Variants in C8orf34 observed in about 807,000 individuals in gnomAD.
C8orf34 encodes the protein uncharacterized protein C8orf34.
A neutral mutation model predicts 68.3 loss-of-function variants in C8orf34; 65 were observed. The observed-to-expected ratio is 0.95, with a 90% CI of 0.78 to 1.17. The LOEUF is 1.17. Among genes scored for constraint, C8orf34 ranks in the 50% most tolerant of loss-of-function variants. The pLI, the probability that C8orf34 is intolerant of heterozygous loss-of-function variation, is 0.00. For synonymous variants in C8orf34, 244 were observed against 241.2 expected, an observed-to-expected ratio of 1.01 and a Z score of -0.11; for missense variants, 664 against 655.4, an observed-to-expected ratio of 1.01 and a Z score of -0.14.
At chr8:68,445,572 T>G (rs1039012755) in intron 2 of C8orf34, among the ~76,000 whole-genome samples, 1 of 152,110 alleles carries the variant, frequency 6.6e-6, no homozygotes, top group Non-Finnish European at 1.5e-5. Flanking sequence ...AAAGTAACAA[T>G]GTTGGTTGAT....
chr8:68,686,114 T>A (rs1477866127), intron 8 of C8orf34, among the ~76,000 whole-genome samples: 1 of 151,566 alleles, frequency 6.6e-6, no homozygotes, highest in African/African-American at 2.4e-5. Context: ...TAACAAGCAG[T>A]AAGATTGAAT....
At chr8:68,640,579 C>A in intron 8 of C8orf34, 68 bp downstream of exon 8, 1 of 1,447,086 alleles carries the variant, frequency 6.9e-7, no homozygotes, top group Non-Finnish European at 9.5e-7. Flanking sequence ...GATTTTGATA[C>A]AAAGATTGTA....
intron 1 of C8orf34, among the ~76,000 whole-genome samples, chr8:68,409,753 C>T (rs1162085067): frequency 1.3e-5 from 2 of 152,198 alleles, no homozygotes; most frequent in African/African-American, 4.8e-5. Flanking sequence ...GCCACTCACT[C>T]ACTGACTCAC....
chr8:68,374,748 G>A (rs1807718884), intron 1 of C8orf34, among the ~76,000 whole-genome samples: 1 of 152,016 alleles, frequency 6.6e-6, no homozygotes, highest in Non-Finnish European at 1.5e-5. Context: ...TTGCATCCAA[G>A]TACTAAAATT....
intron 7 of C8orf34, chr8:68,535,592 A>G (rs1586337561): frequency 1.4e-6 from 1 of 710,352 alleles, no homozygotes; most frequent in African/African-American, 1.9e-5. Flanking sequence ...GGAAACTAGC[A>G]TTGTTAATAT....
intron 2 of C8orf34, among the ~76,000 whole-genome samples, chr8:68,442,563 G>A (rs1027879439): frequency 6.6e-6 from 1 of 152,046 alleles, no homozygotes; most frequent in African/African-American, 2.4e-5. Context: ...TGGATGGAGA[G>A]GTTCAGACAG....
intron 2 of C8orf34, among the ~76,000 whole-genome samples, chr8:68,442,245 G>A (rs2129626206): frequency 1.3e-5 from 2 of 152,004 alleles, no homozygotes; most frequent in African/African-American, 4.8e-5. Flanking sequence ...AAGTCACCAA[G>A]AGAAAGGAAA....
intron 1 of C8orf34, among the ~76,000 whole-genome samples, chr8:68,390,731 C>T (rs550536564): frequency 5.3e-5 from 8 of 152,154 alleles, no homozygotes; most frequent in African/African-American, 1.9e-4. Flanking sequence ...TGAAGGTTAC[C>T]TTTGAGGGTA....
chr8:68,352,666 T>C lies in C8orf34; in HGVS notation c.327+21327T>C, dbSNP rs1372905690. Among the ~76,000 whole-genome samples, 4 of 152,230 alleles carry C rather than the reference T, an allele frequency of 2.6e-5. No homozygotes were observed. In the East Asian group the frequency reaches 5.8e-4, roughly 22 times the overall value. On this transcript the variant is annotated intron_variant, in intron 1 of 13. Transcript: ENST00000518698. Reference sequence around the variant, plus strand: ...GGACTTTCATTCAAATTTGGTAATATTGCAAATTGAAAGAGCCTTTTGGGT... The same window carrying C: ...GGACTTTCATTCAAATTTGGTAATACTGCAAATTGAAAGAGCCTTTTGGGT...
At chr8:68,435,774 A>T (rs76718281) in intron 1 of C8orf34, among the ~76,000 whole-genome samples, 2,624 of 152,298 alleles carry the variant, frequency 0.017, 96 homozygotes, top group African/African-American at 0.06. Context: ...AGAAGGCTAC[A>T]TATAGCTCAA....
intron 1 of C8orf34, among the ~76,000 whole-genome samples, chr8:68,343,593 A>AT (rs71253080): frequency 0.48 from 66,432 of 137,290 alleles, 16,070 homozygotes; most frequent in African/African-American, 0.59. Flanking sequence ...TGCCTAGCTA[A>AT]TTTTTTTTTT....
chr8:68,512,167 C>T (rs1306388696), intron 5 of C8orf34, among the ~76,000 whole-genome samples: 1 of 152,162 alleles, frequency 6.6e-6, no homozygotes, highest in Admixed American at 6.5e-5. Flanking sequence ...AGAAACACAA[C>T]TGACAAAGAA....
intron 7 of C8orf34, among the ~76,000 whole-genome samples, chr8:68,581,349 T>A (rs1440551634): frequency 6.6e-6 from 1 of 152,112 alleles, no homozygotes. Context: ...TTCTGGGTAC[T>A]GGGAGGGCAA....
chr8:68,605,067 C>T (rs1380955504), intron 7 of C8orf34, among the ~76,000 whole-genome samples: 1 of 152,012 alleles, frequency 6.6e-6, no homozygotes, highest in Non-Finnish European at 1.5e-5. Context: ...GATACCTCAC[C>T]AAGGAAGACA....
chr8:68,532,565 AAAGTT>A (rs1815293817), intron 6 of C8orf34, among the ~76,000 whole-genome samples: 1 of 152,218 alleles, frequency 6.6e-6, no homozygotes, highest in African/African-American at 2.4e-5. Context: ...AAAAGAAATT[AAAGTT>A]GAGTATTTTA....
chr8:68,713,573 T>G (rs1028046927), intron 9 of C8orf34, among the ~76,000 whole-genome samples: 1 of 152,058 alleles, frequency 6.6e-6, no homozygotes, highest in Non-Finnish European at 1.5e-5. Context: ...GATAAATTCC[T>G]GGAAATATAC....
chr8:68,484,197 A>G (rs1253811042), intron 4 of C8orf34, among the ~76,000 whole-genome samples: 2 of 152,158 alleles, frequency 1.3e-5, no homozygotes, highest in Admixed American at 6.5e-5. Context: ...TTTTCTATAC[A>G]TTTTCAAAGG....
intron 10 of C8orf34, among the ~76,000 whole-genome samples, chr8:68,761,410 C>A (rs1823020256): frequency 1.3e-5 from 2 of 152,164 alleles, no homozygotes. Flanking sequence ...TCCTCTAGAG[C>A]AGTGCTCCCT....
intron 13 of C8orf34, 35 bp downstream of exon 13, chr8:68,815,980 G>A (rs752422607): frequency 1.4e-4 from 220 of 1,613,096 alleles, no homozygotes; most frequent in Admixed American, 2.8e-4. Flanking sequence ...ATCGATGTCG[G>A]GTAATGGCGG....
Sources: allele counts gnomAD v4.1 joint callset (sites outside exome capture counted in the v4.1 genomes callset), GRCh38; gene constraint gnomAD v4.1.1; transcripts MANE v1.5; gene names NCBI Gene and HGNC (gene_info 2026-07-23, HGNC 2026-07-21).